CFI: variants seen among roughly 807,000 people sequenced by gnomAD.
CFI encodes the protein complement factor I, also known as C3B/C4B inactivator.
In CFI, 66 loss-of-function variants were observed where a neutral mutation model predicts 78.8. That is an observed-to-expected ratio of 0.84 (90% CI 0.69 to 1.03). The LOEUF (loss-of-function observed/expected upper bound fraction) is 1.03, where lower values mean the gene tolerates loss of function less well. CFI is among the 50% of genes least tolerant of loss of function. CFI has a pLI of 0.00. For missense variants in CFI, 706 were observed against 704.5 expected, an observed-to-expected ratio of 1.00 and a Z score of -0.02; for synonymous variants, 250 against 232.6, an observed-to-expected ratio of 1.07 and a Z score of -0.68.
At chr4:109,737,976 G>T (rs1417616274), downstream of CFI, among the ~76,000 whole-genome samples, 1 of 152,080 alleles carries the variant, frequency 6.6e-6, no homozygotes, top group East Asian at 1.9e-4. Context: ...CTTGACCCTG[G>T]TCTACTTTTC....
intron 6 of CFI, among the ~76,000 whole-genome samples, chr4:109,758,986 A>G (rs1726672854): frequency 6.6e-6 from 1 of 152,192 alleles, no homozygotes; most frequent in South Asian, 2.1e-4. Context: ...CCAGCTACTC[A>G]GGAGGCTGAG....
rs375792874 is a variant in CFI, at chr4:109,764,614, A to G, written c.405T>C (p.Asp135=). Reference sequence around the variant, plus strand: ...TGCTTTTGCATATGAACATTGTCTTATCTTGGTCCACAAGTTTTACTTCAA... The same window carrying G: ...TGCTTTTGCATATGAACATTGTCTTGTCTTGGTCCACAAGTTTTACTTCAA... ...GIVEVKLVDQ[D]KTMFICKSSW... is the part of the protein sequence containing the mutation. Residue 135 remains aspartate, a synonymous_variant, in exon 3 of 13, where the codon GAT becomes GAC. Coordinates refer to ENST00000394634, the MANE Select transcript of CFI (RefSeq NM_000204.5). 1.7e-4 allele frequency: 280 copies of G among 1,614,038 alleles called. No homozygotes were observed. Among genetic ancestry groups the G allele is most frequent in the Non-Finnish European group, 2.2e-4 (259 of 1,180,000 alleles).
rs772561998 is a variant in CFI, at chr4:109,760,348, C to T, written c.805G>A (p.Gly269Ser). Residue 269 changes from glycine (G) to serine (S), a missense_variant, in exon 6 of 13, where the codon GGT becomes AGT. Coordinates refer to ENST00000394634, the MANE Select transcript of CFI (RefSeq NM_000204.5). ...TGATACTGGCTTGGAATGCAAACAC[C>T]CGATTTGCAATGGAAGCCTTTGCCT... ...CQGKGFHCKSGVCIPSQYQCN... is the reference protein window; with the variant it reads ...CQGKGFHCKSSVCIPSQYQCN... The T allele has an allele frequency of 6.5e-5, 105 of 1,613,926 alleles. 1 individual carries two copies. In the South Asian group the frequency reaches 1.1e-3, roughly 17 times the overall value.
intron 7 of CFI, 57 bp downstream of exon 7, chr4:109,757,706 A>G: frequency 8.8e-7 from 1 of 1,133,082 alleles, no homozygotes; most frequent in Non-Finnish European, 1.3e-6. Context: ...ATAAGACCAA[A>G]GAACCTGAGT....
chr4:109,766,790 T>G lies in CFI; in HGVS notation c.92A>C (p.Lys31Thr). The G allele has an allele frequency of 6.2e-7, 1 of 1,614,196 alleles. No individual in the cohort carries two copies. The highest frequency in any genetic ancestry group is 8.5e-7 in the Non-Finnish European group (1 of 1,180,020). ...TYTSQEDLVE[K>T]KCLAKKYTHL... ...AGTATATTTTTTTGCTAAGCACTTTTTCTCCACCAGATCCTCTTGAGATGT... is the reference window on the plus strand; with the variant it reads ...AGTATATTTTTTTGCTAAGCACTTTGTCTCCACCAGATCCTCTTGAGATGT... The change falls in exon 2 of 13, where the codon AAA becomes ACA. Residue 31 changes from lysine (K) to threonine (T), a missense_variant. By Grantham distance (78) the Lys-to-Thr change is moderately conservative. Transcript: ENST00000394634.
intron 1 of CFI, among the ~76,000 whole-genome samples, chr4:109,788,217 G>A (rs1463176287): frequency 6.6e-6 from 1 of 152,062 alleles, no homozygotes; most frequent in Admixed American, 6.6e-5. Flanking sequence ...CATATGCTAA[G>A]TATATCTGCC....
intron 4 of CFI, 43 bp downstream of exon 4, chr4:109,761,474 A>C: frequency 1.9e-6 from 3 of 1,586,542 alleles, no homozygotes; most frequent in Non-Finnish European, 2.6e-6. Context: ...TAAAATAAAC[A>C]ACCTTCAAGG....
chr4:109,731,605 G>C, the CFI span, among the ~76,000 whole-genome samples: 7 of 152,320 alleles, frequency 4.6e-5, no homozygotes, highest in Non-Finnish European at 8.8e-5. Flanking sequence ...AACATAGAAA[G>C]GCATTCCTCC....
At chr4:109,761,734 T>A (rs1169558775) in intron 3 of CFI, 42 bp from the exon 4 acceptor site, 1 of 1,505,336 alleles carries the variant, frequency 6.6e-7, no homozygotes, top group East Asian at 2.3e-5. Flanking sequence ...GAATAATTAG[T>A]ACTTTGCATT....
At chr4:109,735,868 G>GT (rs1451570387), downstream of CFI, among the ~76,000 whole-genome samples, 1 of 152,260 alleles carries the variant, frequency 6.6e-6, no homozygotes, top group Non-Finnish European at 1.5e-5. Context: ...CAGGCTTACA[G>GT]TTACAGTGGT....
intron 1 of CFI, among the ~76,000 whole-genome samples, chr4:109,776,935 C>T (rs1579269875): frequency 6.6e-6 from 1 of 152,194 alleles, no homozygotes; most frequent in Non-Finnish European, 1.5e-5. Flanking sequence ...GAGATTTTGT[C>T]ACCATCAGGC....
At chr4:109,758,046 G>T in intron 6 of CFI, 1 of 1,006,302 alleles carries the variant, frequency 9.9e-7, no homozygotes, top group African/African-American at 1.6e-5. Flanking sequence ...TTTCAGACTA[G>T]TACAACTTAA....
chr4:109,800,319 C>CTTT (rs1560572852), intron 1 of CFI, among the ~76,000 whole-genome samples: 1 of 102,106 alleles, frequency 9.8e-6, no homozygotes, highest in African/African-American at 3.9e-5. Flanking sequence ...TTTGGCTTCT[C>CTTT]TGTTTTTTTT....
intron 6 of CFI, among the ~76,000 whole-genome samples, chr4:109,759,476 A>G (rs77004055): frequency 0.02 from 3,102 of 152,304 alleles, 44 homozygotes; most frequent in Non-Finnish European, 0.035. Context: ...AATTACTATT[A>G]TAGTGAATTA....
intron 4 of CFI, 38 bp downstream of exon 4, chr4:109,761,479 T>C: frequency 6.2e-7 from 1 of 1,602,828 alleles, no homozygotes; most frequent in Non-Finnish European, 8.5e-7. Flanking sequence ...TAAACAACCT[T>C]CAAGGAAGGG....
In CFI at chr4:109,740,736, A is replaced by T; in HGVS notation, c.*157T>A. On this transcript the variant is annotated 3_prime_UTR_variant, in exon 13 of 13. Transcript: ENST00000394634. ...ATTTATTTGAGAATTATACAACAAAATTCCAATATGGCATAAACTCTGTGG... is the reference window on the plus strand; with the variant it reads ...ATTTATTTGAGAATTATACAACAAATTTCCAATATGGCATAAACTCTGTGG... The T allele has an allele frequency of 1.3e-6, 1 of 747,352 alleles. No individual in the cohort carries two copies. The highest frequency in any genetic ancestry group is 2.3e-6 in the Non-Finnish European group (1 of 436,054). 46.3% of individuals were successfully genotyped at this position (747,352 alleles called of 1,614,324 possible).
chr4:109,775,776 G>A (rs189972890), intron 1 of CFI, among the ~76,000 whole-genome samples: 160 of 152,230 alleles, frequency 1.1e-3, no homozygotes, highest in East Asian at 1.7e-3. Context: ...TCATACAGCC[G>A]AGTGCCCCTC....
chr4:109,776,655 C>A (rs1307815602), intron 1 of CFI, among the ~76,000 whole-genome samples: 1 of 152,098 alleles, frequency 6.6e-6, no homozygotes, highest in Non-Finnish European at 1.5e-5. Flanking sequence ...AGAGCAACAG[C>A]AAGACATATA....
At chr4:109,773,137 A>C (rs542793317) in intron 1 of CFI, among the ~76,000 whole-genome samples, 2 of 152,288 alleles carry the variant, frequency 1.3e-5, no homozygotes, top group South Asian at 4.1e-4. Context: ...TTGTAGCGAT[A>C]CCATAGAATC....
Sources: gnomAD v4.1 joint callset for allele counts (sites outside exome capture counted in the v4.1 genomes callset) on GRCh38, gnomAD v4.1.1 for gene constraint, MANE v1.5 for transcripts, NCBI Gene and HGNC (gene_info 2026-07-23, HGNC 2026-07-21) for gene names.